C7: variants seen among roughly 807,000 people sequenced by gnomAD.
C7 encodes the protein complement C7.
C7 carries 83 observed loss-of-function variants against 104.8 expected under a neutral mutation model. The ratio of observed to expected loss-of-function variants is 0.79; its 90% confidence interval spans 0.66 to 0.95. The LOEUF is 0.95. Ranked by LOEUF, C7 falls within the 40% of genes least tolerant of loss-of-function variation. The pLI, the probability that C7 is intolerant of heterozygous loss-of-function variation, is 0.00. For synonymous variants in C7, 415 were observed against 360.6 expected, an observed-to-expected ratio of 1.15 and a Z score of -1.71; for missense variants, 1,070 against 1,011.2, an observed-to-expected ratio of 1.06 and a Z score of -0.79.
At chr5:40,927,898 A>G (rs1739591729) in intron 1 of C7, among the ~76,000 whole-genome samples, 1 of 152,180 alleles carries the variant, frequency 6.6e-6, no homozygotes, top group African/African-American at 2.4e-5. Flanking sequence ...GAGGTTTGTC[A>G]TAAAACTTAA....
intron 6 of C7, among the ~76,000 whole-genome samples, chr5:40,944,153 G>A (rs978005773): frequency 3.9e-5 from 6 of 152,064 alleles, no homozygotes; most frequent in Non-Finnish European, 4.4e-5. Flanking sequence ...GATCTCAAAC[G>A]CAGATGTGTA....
rs1466364344 is a variant in C7 at position 40,946,748 on chromosome 5, G to A, written c.739-854G>A. ...TAGTTGAAGATGGCATAGCAACTTG[G>A]TCTTGGGGTTTTGGAGTTTATATAA... On this transcript the variant is annotated intron_variant, in intron 7 of 17. Transcript: ENST00000313164. Among the ~76,000 whole-genome samples, 9 of 152,118 alleles carry A rather than the reference G, an allele frequency of 5.9e-5. No homozygotes were observed. The South Asian group carries it at 1.2e-3, about 21-fold the overall frequency.
intron 1 of C7, among the ~76,000 whole-genome samples, chr5:40,917,243 C>A (rs1739337928): frequency 6.6e-6 from 1 of 151,990 alleles, no homozygotes; most frequent in Non-Finnish European, 1.5e-5. Flanking sequence ...AGTTTTGTAA[C>A]CTTTGACCAA....
intron 14 of C7, among the ~76,000 whole-genome samples, chr5:40,971,332 A>C (rs552146584): frequency 2.6e-5 from 4 of 152,194 alleles, no homozygotes; most frequent in Non-Finnish European, 5.9e-5. Flanking sequence ...TTCTCTGGTG[A>C]CCAGTGATGA....
At chr5:40,944,946 G>A (rs1229584287) in intron 6 of C7, among the ~76,000 whole-genome samples, 1 of 152,186 alleles carries the variant, frequency 6.6e-6, no homozygotes, top group African/African-American at 2.4e-5. Context: ...CATGGAAGTT[G>A]TTTGTACCTA....
intron 1 of C7, among the ~76,000 whole-genome samples, chr5:40,915,756 A>C (rs1183986709): frequency 6.6e-6 from 1 of 152,246 alleles, no homozygotes; most frequent in African/African-American, 2.4e-5. Context: ...TATGCTAATC[A>C]GCACAATAGG....
intron 17 of C7, chr5:40,980,438 C>T (rs1740917721): frequency 1.3e-5 from 2 of 152,230 alleles, no homozygotes; most frequent in Admixed American, 1.3e-4. Flanking sequence ...TAGCACCAAG[C>T]TGACACTTTC....
chr5:40,935,456 C>A (rs1418332075), intron 4 of C7, among the ~76,000 whole-genome samples: 1 of 152,168 alleles, frequency 6.6e-6, no homozygotes, highest in African/African-American at 2.4e-5. Flanking sequence ...ACCAAACATC[C>A]TATGAGGACA....
chr5:40,937,828 T>A, intron 6 of C7, 138 bp downstream of exon 6: 2 of 750,224 alleles, frequency 2.7e-6, no homozygotes, highest in South Asian at 2.2e-5. Flanking sequence ...TATGTTGACT[T>A]AAAAAGTATA....
intron 13 of C7, among the ~76,000 whole-genome samples, chr5:40,963,094 T>C (rs1441799144): frequency 6.6e-6 from 1 of 152,170 alleles, no homozygotes; most frequent in African/African-American, 2.4e-5. Flanking sequence ...GCTCAGAGAA[T>C]AGGCCAAGCA....
intron 8 of C7, among the ~76,000 whole-genome samples, chr5:40,949,410 C>G (rs1740119089): frequency 6.7e-6 from 1 of 149,384 alleles, no homozygotes; most frequent in Admixed American, 6.7e-5. Context: ...TAGAAATGAT[C>G]ACATTCTAAG....
intron 7 of C7, among the ~76,000 whole-genome samples, chr5:40,946,763 A>T (rs1387956641): frequency 6.6e-6 from 1 of 151,872 alleles, no homozygotes; most frequent in East Asian, 1.9e-4. Context: ...GGGGTTTTGG[A>T]GTTTATATAA....
intron 9 of C7, among the ~76,000 whole-genome samples, chr5:40,950,445 T>C (rs1022674204): frequency 5.3e-5 from 8 of 152,214 alleles, no homozygotes. Flanking sequence ...TTATCCAGTT[T>C]ATCATTGATG....
intron 8 of C7, among the ~76,000 whole-genome samples, chr5:40,949,360 C>CAA (rs397697540): frequency 0.15 from 18,736 of 127,638 alleles, 1,180 homozygotes; most frequent in South Asian, 0.2. Context: ...AATGCATTGG[C>CAA]AAAAAAAAAA....
chr5:40,949,979 G>T lies in C7; in HGVS notation c.1058G>T (p.Cys353Phe). 1 of 1,599,590 alleles carries T rather than the reference G, an allele frequency of 6.3e-7. No individual in the cohort carries two copies. Among genetic ancestry groups the T allele is most frequent in the Non-Finnish European group, 8.5e-7 (1 of 1,172,306 alleles). The change falls in exon 9 of 18, where the codon TGC (cysteine) becomes TTC (phenylalanine). Residue 353 changes from cysteine to phenylalanine, a missense_variant. By Grantham distance (205) the Cys-to-Phe change is radical. Coordinates refer to ENST00000313164, the MANE Select transcript of C7 (RefSeq NM_000587.4). ...GTCGTTAAATTTTCAAGTCATGGAT[G>T]CAAGGAACTGGAAAACGCTTTAAAA... ...HFVVKFSSHG[C>F]KELENALKAA...
At position 40,979,641 on chromosome 5, in the gene C7, G is replaced by C. The variant is rs1259774547; in HGVS notation, c.2166-84G>C. 23 of 1,133,868 alleles carry C rather than the reference G, an allele frequency of 2.0e-5. No individual in the cohort carries two copies. In the Admixed American group the frequency reaches 5.2e-4, roughly 26 times the overall value. 70.2% of individuals were successfully genotyped at this position (1,133,868 alleles called of 1,614,324 possible). A position where few individuals can be genotyped will look rare whatever the true frequency, so the allele number is the denominator to read the frequency against. ...GGGTGATAACATCTGGGGGCACTAAGCTCAGAGCATCACTTTTCATTTCTC... is the reference window on the plus strand; with the variant it reads ...GGGTGATAACATCTGGGGGCACTAACCTCAGAGCATCACTTTTCATTTCTC... On this transcript the variant is annotated intron_variant, in intron 16 of 17. Coordinates refer to ENST00000313164, the MANE Select transcript of C7 (RefSeq NM_000587.4).
chr5:40,930,914 A>C, intron 2 of C7, 150 bp from the exon 3 acceptor site: 1 of 656,308 alleles, frequency 1.5e-6, no homozygotes, highest in South Asian at 1.8e-5. Flanking sequence ...GGCTCCCTCC[A>C]TTTTTATATA....
intron 14 of C7, among the ~76,000 whole-genome samples, chr5:40,969,655 A>C (rs1173179516): frequency 6.6e-6 from 1 of 152,128 alleles, no homozygotes; most frequent in African/African-American, 2.4e-5. Flanking sequence ...TCTTTTTGAC[A>C]GGACTGGACT....
chr5:40,976,859 C>T lies in C7; in HGVS notation c.2165+19C>T. 5.8e-6 allele frequency: 9 copies of T among 1,545,278 alleles called. No individual in the cohort carries two copies. The highest frequency in any genetic ancestry group is 2.4e-5 in the South Asian group (2 of 83,940). ...AATGTGGGTAAGTGCCGCCTTTGCT[C>T]ATTTCTCTGTTTTATTTTATTAATG... On this transcript the variant is annotated intron_variant, in intron 16 of 17. Coordinates refer to ENST00000313164, the MANE Select transcript of C7 (RefSeq NM_000587.4).
Sources: allele counts gnomAD v4.1 joint callset (sites outside exome capture counted in the v4.1 genomes callset), GRCh38; gene constraint gnomAD v4.1.1; transcripts MANE v1.5; gene names NCBI Gene and HGNC (gene_info 2026-07-23, HGNC 2026-07-21).